The following MKLN1 variants were observed in gnomAD, a reference collection of about 807,000 sequenced individuals.
MKLN1 encodes the protein muskelin.
A neutral mutation model predicts 99.0 loss-of-function variants in MKLN1; 18 were observed. The ratio of observed to expected loss-of-function variants is 0.18; its 90% CI spans 0.13 to 0.27. The LOEUF is 0.27. Among genes scored for constraint, MKLN1 ranks in the 10% least tolerant of loss-of-function variants. The probability of loss-of-function intolerance (pLI) is 1.00; values close to 1 mark genes in which losing one functional copy is unlikely to be tolerated. For missense variants in MKLN1, 621 were observed against 875.9 expected, an observed-to-expected ratio of 0.71 and a Z score of 3.67; for synonymous variants, 288 against 293.2, an observed-to-expected ratio of 0.98 and a Z score of 0.18.
intron 3 of MKLN1, among the ~76,000 whole-genome samples, chr7:131,285,958 T>C (rs73153454): frequency 5.5e-4 from 43 of 78,298 alleles, no homozygotes; most frequent in South Asian, 1.6e-3. Flanking sequence ...ATCTATGGAC[T>C]TTTTTTTTTT....
intron 2 of MKLN1, among the ~76,000 whole-genome samples, chr7:131,147,498 G>T (rs1795832182): frequency 6.6e-6 from 1 of 152,114 alleles, no homozygotes; most frequent in Non-Finnish European, 1.5e-5. Flanking sequence ...GCTCCCCAGG[G>T]TCATATAGCT....
intron 3 of MKLN1, among the ~76,000 whole-genome samples, chr7:131,267,170 T>G (rs1797820912): frequency 6.6e-6 from 1 of 151,790 alleles, no homozygotes; most frequent in Non-Finnish European, 1.5e-5. Context: ...CCATCTCTAC[T>G]AAAATTACAA....
intron 3 of MKLN1, among the ~76,000 whole-genome samples, chr7:131,221,884 ACTGTT>A (rs1197982064): frequency 2.0e-5 from 3 of 151,636 alleles, no homozygotes; most frequent in Non-Finnish European, 4.4e-5. Flanking sequence ...CTGTTCAGAC[ACTGTT>A]CTAAGTGCTT....
chr7:131,191,334 A>G (rs960357084), intron 2 of MKLN1, among the ~76,000 whole-genome samples: 5 of 152,200 alleles, frequency 3.3e-5, no homozygotes, highest in Non-Finnish European at 7.3e-5. Flanking sequence ...ATGCCTTTCC[A>G]GAGAAACTCT....
intron 1 of MKLN1, among the ~76,000 whole-genome samples, chr7:131,366,322 T>A (rs1563313507): frequency 6.6e-6 from 1 of 152,204 alleles, no homozygotes; most frequent in Non-Finnish European, 1.5e-5. Context: ...AACATCCTTT[T>A]ATACTTTTTA....
upstream of MKLN1, chr7:131,324,480 A>G (rs961765190): frequency 1.3e-5 from 2 of 152,228 alleles, no homozygotes; most frequent in African/African-American, 4.8e-5. Flanking sequence ...TATTTGGGCC[A>G]AGCTTGATGA....
chr7:131,470,321 C>T (rs564554052), intron 15 of MKLN1, among the ~76,000 whole-genome samples: 5 of 152,280 alleles, frequency 3.3e-5, no homozygotes, highest in Non-Finnish European at 5.9e-5. Flanking sequence ...TTTTTACTGA[C>T]TGAGACATGG....
At chr7:131,250,155 C>G (rs1311118295) in intron 3 of MKLN1, among the ~76,000 whole-genome samples, 1 of 152,120 alleles carries the variant, frequency 6.6e-6, no homozygotes, top group Non-Finnish European at 1.5e-5. Flanking sequence ...CCCAACTGAC[C>G]ATGGCGATCA....
At chr7:131,281,293 C>T (rs566880354) in intron 3 of MKLN1, among the ~76,000 whole-genome samples, 2 of 151,252 alleles carry the variant, frequency 1.3e-5, no homozygotes, top group East Asian at 1.9e-4. Context: ...GTTGAAAAAA[C>T]GGTTCTTTCC....
At chr7:131,211,602 GT>G (rs34469545) in intron 3 of MKLN1, among the ~76,000 whole-genome samples, 22,302 of 146,372 alleles carry the variant, frequency 0.15, 1,703 homozygotes, top group Admixed American at 0.18. Flanking sequence ...CAACCCTTGT[GT>G]TTTTTTTTTT....
intron 1 of MKLN1, among the ~76,000 whole-genome samples, chr7:131,133,415 C>T (rs1478377119): frequency 1.6e-5 from 2 of 126,934 alleles, no homozygotes; most frequent in Admixed American, 1.0e-4. Flanking sequence ...AGTGCAGTGG[C>T]GTGATCTCGG....
chr7:131,243,414 A>T (rs1797437224), intron 3 of MKLN1, among the ~76,000 whole-genome samples: 1 of 152,004 alleles, frequency 6.6e-6, no homozygotes, highest in Admixed American at 6.6e-5. Context: ...CAAACTCAAA[A>T]CCTCATGTGT....
At chr7:131,376,500 G>A (rs1011679701) in intron 2 of MKLN1, among the ~76,000 whole-genome samples, 57 of 151,358 alleles carry the variant, frequency 3.8e-4, no homozygotes, top group African/African-American at 1.4e-3. Flanking sequence ...AAATTAGCTG[G>A]GTGTGGTGGC....
At chr7:131,435,529 T>C (rs1795652692) in intron 9 of MKLN1, among the ~76,000 whole-genome samples, 1 of 152,188 alleles carries the variant, frequency 6.6e-6, no homozygotes, top group Admixed American at 6.5e-5. Flanking sequence ...GTGCTTGATA[T>C]AATTTACCAG....
chr7:131,440,619 G>T (rs908078608), intron 10 of MKLN1, among the ~76,000 whole-genome samples: 3 of 152,086 alleles, frequency 2.0e-5, no homozygotes, highest in African/African-American at 7.2e-5. Flanking sequence ...TACAAAGAGC[G>T]TAAAGAAGAA....
intron 17 of MKLN1, among the ~76,000 whole-genome samples, chr7:131,481,932 T>G (rs1797135145): frequency 6.6e-6 from 1 of 152,102 alleles, no homozygotes; most frequent in Non-Finnish European, 1.5e-5. Flanking sequence ...GTATGTAAAA[T>G]TTTAAAGAAT....
At chr7:131,476,268 ATTC>A (rs1796963371) in intron 16 of MKLN1, among the ~76,000 whole-genome samples, 2 of 152,304 alleles carry the variant, frequency 1.3e-5, no homozygotes, top group South Asian at 4.1e-4. Context: ...TAGCCCCTCT[ATTC>A]AACATTCTAC....
intron 1 of MKLN1, among the ~76,000 whole-genome samples, chr7:131,351,251 T>TA (rs974005617): frequency 3.3e-5 from 5 of 151,732 alleles, no homozygotes; most frequent in African/African-American, 7.3e-5. Flanking sequence ...CTGTCTCTTT[T>TA]AAAAAAACAA....
intron 17 of MKLN1, among the ~76,000 whole-genome samples, chr7:131,480,251 T>C (rs1469235305): frequency 6.6e-6 from 1 of 152,170 alleles, no homozygotes; most frequent in Non-Finnish European, 1.5e-5. Context: ...GCCTTAGAGT[T>C]GAGCAATAGT....
Sources: gnomAD v4.1 joint callset for allele counts (sites outside exome capture counted in the v4.1 genomes callset) on GRCh38, gnomAD v4.1.1 for gene constraint, MANE v1.5 for transcripts, NCBI Gene and HGNC (gene_info 2026-07-23, HGNC 2026-07-21) for gene names.